MET: variants seen among roughly 807,000 people sequenced by gnomAD.
The protein encoded by MET is MET proto-oncogene, receptor tyrosine kinase, also known as hepatocyte growth factor receptor.
Under a neutral mutation model 133.1 loss-of-function variants are expected in MET, and 48 were observed. The observed-to-expected ratio is 0.36, with a 90% confidence interval of 0.29 to 0.46. MET has a LOEUF of 0.46. Ranked by LOEUF, MET falls within the 20% of genes least tolerant of loss-of-function variation. The probability of loss-of-function intolerance (pLI) is 1.00; values close to 1 mark genes in which losing one functional copy is unlikely to be tolerated. For missense variants in MET, 1,442 were observed against 1,695.9 expected (o/e 0.85, Z 2.63); for synonymous variants, 628 against 616.5 (o/e 1.02, Z -0.28).
intron 5 of MET, among the ~76,000 whole-genome samples, chr7:116,747,968 G>A (rs546631978): frequency 3.3e-5 from 5 of 152,332 alleles, no homozygotes; most frequent in South Asian, 2.1e-4. Flanking sequence ...ACTTAAGGCC[G>A]GGTGCAGTGG....
At chr7:116,712,136 C>T (rs1792025225) in intron 2 of MET, among the ~76,000 whole-genome samples, 1 of 152,198 alleles carries the variant, frequency 6.6e-6, no homozygotes, top group South Asian at 2.1e-4. Context: ...CCTCACAACC[C>T]TGCCTTAACA....
At chr7:116,765,023 G>A (rs1230898937) in intron 11 of MET, among the ~76,000 whole-genome samples, 1 of 152,146 alleles carries the variant, frequency 6.6e-6, no homozygotes, top group African/African-American at 2.4e-5. Context: ...CTCTCAGCCA[G>A]GCACGGTAGC....
intron 19 of MET, among the ~76,000 whole-genome samples, chr7:116,790,616 GTA>G (rs2117090004): frequency 6.6e-6 from 1 of 151,936 alleles, no homozygotes; most frequent in Non-Finnish European, 1.5e-5. Flanking sequence ...CAATTCTTTT[GTA>G]TATACACACA....
chr7:116,775,272 A>G (rs1164113330), intron 15 of MET, among the ~76,000 whole-genome samples, 161 bp downstream of exon 15: 1 of 152,250 alleles, frequency 6.6e-6, no homozygotes, highest in Admixed American at 6.5e-5. Context: ...AGCCCTGTAA[A>G]TCATATCCGT....
intron 2 of MET, among the ~76,000 whole-genome samples, chr7:116,730,439 G>A (rs965428008): frequency 1.5e-4 from 23 of 152,152 alleles, no homozygotes; most frequent in Non-Finnish European, 5.9e-5. Flanking sequence ...AGAGGGATAT[G>A]GTCAGATTTG....
At chr7:116,718,370 A>T (rs1792327752) in intron 2 of MET, among the ~76,000 whole-genome samples, 1 of 152,168 alleles carries the variant, frequency 6.6e-6, no homozygotes, top group Non-Finnish European at 1.5e-5. Flanking sequence ...CCTCGGCGAC[A>T]GAGCTAGACT....
At chr7:116,712,376 T>G (rs1360947173) in intron 2 of MET, among the ~76,000 whole-genome samples, 2 of 152,222 alleles carry the variant, frequency 1.3e-5, no homozygotes, top group Non-Finnish European at 2.9e-5. Flanking sequence ...CGTGGTAATG[T>G]GTCCAACAGT....
intron 10 of MET, among the ~76,000 whole-genome samples, chr7:116,761,963 A>G (rs1794415989): frequency 6.6e-6 from 1 of 152,146 alleles, no homozygotes; most frequent in African/African-American, 2.4e-5. Flanking sequence ...ATACTTGTCA[A>G]AGAAAAGGAA....
chr7:116,753,315 C>T (rs1470774539), intron 5 of MET, among the ~76,000 whole-genome samples: 2 of 152,194 alleles, frequency 1.3e-5, no homozygotes, highest in Non-Finnish European at 2.9e-5. Flanking sequence ...GTTTTCCCAC[C>T]ATTGTACTTT....
At chr7:116,715,161 G>A (rs991130335) in intron 2 of MET, among the ~76,000 whole-genome samples, 5 of 152,132 alleles carry the variant, frequency 3.3e-5, no homozygotes, top group Non-Finnish European at 7.4e-5. Context: ...CTGTCACATG[G>A]TATGGTATTA....
rs368249740 is a variant in MET, at chr7:116,699,759, T to C, written c.675T>C (p.Gly225=). 1.2e-6 allele frequency: 2 copies of C among 1,613,932 alleles called. No individual in the cohort carries two copies. The highest frequency in any genetic ancestry group is 1.7e-6 in the Non-Finnish European group (2 of 1,179,982). Residue 225 remains glycine (G), a synonymous_variant, in exon 2 of 21, where the codon GGT becomes GGC. Transcript: ENST00000397752. ...SVRRLKETKD[G]FMFLTDQSYI... Reference sequence around the variant, plus strand: ...GAAGGCTAAAGGAAACGAAAGATGGTTTTATGTTTTTGACGGACCAGTCCT... The same window carrying C: ...GAAGGCTAAAGGAAACGAAAGATGGCTTTATGTTTTTGACGGACCAGTCCT...
chr7:116,750,817 A>G (rs1439770968), intron 5 of MET, among the ~76,000 whole-genome samples: 3 of 152,240 alleles, frequency 2.0e-5, no homozygotes, highest in Admixed American at 2.0e-4. Context: ...AACATATGAA[A>G]AAAAGCTCAT....
At position 116,740,843 on chromosome 7, in the gene MET, T is replaced by C. The variant is rs767768257; in HGVS notation, c.1528-9T>C. 5 of 1,613,980 alleles carry C rather than the reference T, an allele frequency of 3.1e-6. No homozygotes were observed. The South Asian group carries it at 4.4e-5, about 14-fold the overall frequency. ...CTCTGGAAGCTCTTTCCACCCCTTC[T>C]CTTCACAGATCACGAAGATCCCATT... On this transcript the variant is annotated splice_polypyrimidine_tract_variant and intron_variant, in intron 4 of 20. Transcript: ENST00000397752.
chr7:116,793,096 G>A (rs1164819895), intron 19 of MET, among the ~76,000 whole-genome samples: 1 of 151,830 alleles, frequency 6.6e-6, no homozygotes, highest in Admixed American at 6.6e-5. Flanking sequence ...TCTGTTCTAA[G>A]CTTGGCGCTT....
chr7:116,731,620 T>G, intron 2 of MET, 48 bp from the exon 3 acceptor site: 1 of 1,596,716 alleles, frequency 6.3e-7, no homozygotes, highest in Non-Finnish European at 8.6e-7. Context: ...CTTACCAGCT[T>G]GTTCATGTCT....
intron 2 of MET, among the ~76,000 whole-genome samples, chr7:116,727,119 A>C (rs1435124766): frequency 6.6e-6 from 1 of 152,216 alleles, no homozygotes; most frequent in Non-Finnish European, 1.5e-5. Context: ...ACAGAATGCG[A>C]GTGGTTATCT....
In MET at chr7:116,781,032, T is replaced by C. The variant is rs192530910; in HGVS notation, c.3523-956T>C. The stretch of plus-strand genomic sequence containing the variant: ...GTGCAAACCAACCAATCCAGAGCCC[T>C]TATCTAACCTCCTCCTTTATCAGGC... On this transcript the variant is annotated intron_variant, in intron 17 of 20. Coordinates refer to ENST00000397752, the MANE Select transcript of MET (RefSeq NM_000245.4). 1.1e-3 allele frequency among the ~76,000 whole-genome samples: 166 copies of C among 152,298 alleles called. 1 individual carries two copies. Among genetic ancestry groups the C allele is most frequent in the African/African-American group, 3.9e-3 (162 of 41,560 alleles).
At position 116,723,864 on chromosome 7, in the gene MET, G is replaced by A. The variant is rs568964246; in HGVS notation, c.1201-7804G>A. 5.3e-4 allele frequency among the ~76,000 whole-genome samples: 80 copies of A among 152,294 alleles called. 4 individuals are homozygous for A. The South Asian group carries it at 0.015, about 29-fold the overall frequency. ...TTCTCAGATCTCCAGCTGCATGCTG[G>A]GAGAACCACTGCTCTCTTCAAAGCT... On this transcript the variant is annotated intron_variant, in intron 2 of 20. Coordinates refer to ENST00000397752, the MANE Select transcript of MET (RefSeq NM_000245.4).
chr7:116,780,985 G>T (rs899364998), intron 17 of MET, among the ~76,000 whole-genome samples: 6 of 152,166 alleles, frequency 3.9e-5, no homozygotes, highest in African/African-American at 9.7e-5. Context: ...TAAACAGCTT[G>T]CCTTCAAAGC....
Sources: gnomAD v4.1 joint callset for allele counts (sites outside exome capture counted in the v4.1 genomes callset) on GRCh38, gnomAD v4.1.1 for gene constraint, MANE v1.5 for transcripts, NCBI Gene and HGNC (gene_info 2026-07-23, HGNC 2026-07-21) for gene names.